DCBLD2: variants seen among roughly 807,000 people sequenced by gnomAD.
DCBLD2 encodes the protein discoidin, CUB and LCCL domain-containing protein 2.
In DCBLD2, 54 loss-of-function variants were observed where a neutral mutation model predicts 86.8. That is an observed-to-expected ratio of 0.62 (90% confidence interval 0.50 to 0.78). The LOEUF is 0.78. DCBLD2 is among the 30% of genes least tolerant of loss of function. DCBLD2 has a pLI of 0.00. For synonymous variants in DCBLD2, 354 were observed against 341.3 expected (o/e 1.04, Z -0.41); for missense variants, 908 against 954.2 (o/e 0.95, Z 0.64).
intron 2 of DCBLD2, among the ~76,000 whole-genome samples, chr3:98,863,725 A>C (rs948699244): frequency 2.6e-5 from 4 of 152,238 alleles, no homozygotes; most frequent in African/African-American, 9.7e-5. Flanking sequence ...AGATGGATTA[A>C]AGACTTAAAT....
At chr3:98,810,424 ATGAC>A (rs1212139640) in intron 12 of DCBLD2, among the ~76,000 whole-genome samples, 14 of 152,334 alleles carry the variant, frequency 9.2e-5, no homozygotes, top group African/African-American at 3.4e-4. Context: ...AAAAATGAGA[ATGAC>A]TGAAGTTCTA....
chr3:98,836,035 GTAA>G (rs1559779267), intron 3 of DCBLD2, among the ~76,000 whole-genome samples: 1 of 126,150 alleles, frequency 7.9e-6, no homozygotes, highest in African/African-American at 3.1e-5. Flanking sequence ...CCATTTTATA[GTAA>G]TAAATCAGTC....
intron 3 of DCBLD2, among the ~76,000 whole-genome samples, chr3:98,846,391 A>C (rs933009652): frequency 3.3e-5 from 5 of 152,212 alleles, no homozygotes; most frequent in African/African-American, 1.2e-4. Context: ...CCTGGATAAA[A>C]ATATACTGAG....
chr3:98,806,083 T>C lies in DCBLD2; in HGVS notation c.1670+1998A>G, dbSNP rs1413493225. ...GTAAAACGGGGCTTATTATAGTGCC[T>C]GCTTCGTAGATTGTTTTGAGGATTA... On this transcript the variant is annotated intron_variant, in intron 13 of 15. Coordinates refer to ENST00000326840, the MANE Select transcript of DCBLD2 (RefSeq NM_080927.4). 2.0e-5 allele frequency among the ~76,000 whole-genome samples: 3 copies of C among 152,308 alleles called. No homozygotes were observed. In the East Asian group the frequency reaches 5.8e-4, roughly 29 times the overall value.
intron 2 of DCBLD2, among the ~76,000 whole-genome samples, chr3:98,863,715 A>C (rs1943088536): frequency 6.6e-6 from 1 of 152,214 alleles, no homozygotes; most frequent in South Asian, 2.1e-4. Context: ...AATTAACTCA[A>C]GATGGATTAA....
chr3:98,796,950 A>G lies in DCBLD2; in HGVS notation c.*2422T>C, dbSNP rs1344990942. ...AAGCAAAGGATAAAAATTCAAGGGAATTTTGTCAGATATGGTTACTTTCAC... is the reference window on the plus strand; with the variant it reads ...AAGCAAAGGATAAAAATTCAAGGGAGTTTTGTCAGATATGGTTACTTTCAC... On this transcript the variant is annotated 3_prime_UTR_variant, in exon 16 of 16. Transcript: ENST00000326840. The G allele has an allele frequency of 6.6e-6, 1 of 152,116 alleles. No homozygotes were observed. Among genetic ancestry groups the G allele is most frequent in the Non-Finnish European group, 1.5e-5 (1 of 67,952 alleles). The allele number at this position is 152,116 out of a possible 1,614,324, so 9.4% of individuals were successfully genotyped here. A position where few individuals can be genotyped will look rare whatever the true frequency, so the allele number is the denominator to read the frequency against.
At chr3:98,879,352 T>G (rs997106689) in intron 2 of DCBLD2, among the ~76,000 whole-genome samples, 1 of 152,168 alleles carries the variant, frequency 6.6e-6, no homozygotes, top group Non-Finnish European at 1.5e-5. Flanking sequence ...TTCTTTACCA[T>G]CACTGAATGC....
At chr3:98,841,300 C>T (rs564544407) in intron 3 of DCBLD2, among the ~76,000 whole-genome samples, 1 of 152,210 alleles carries the variant, frequency 6.6e-6, no homozygotes, top group South Asian at 2.1e-4. Context: ...CATCAGATTT[C>T]CTAAGACAGT....
intron 1 of DCBLD2, among the ~76,000 whole-genome samples, chr3:98,886,039 G>T (rs1315150893): frequency 6.6e-6 from 1 of 151,812 alleles, no homozygotes; most frequent in Non-Finnish European, 1.5e-5. Flanking sequence ...GAAAATCTCA[G>T]AAAAAAGATC....
intron 2 of DCBLD2, among the ~76,000 whole-genome samples, chr3:98,870,478 G>A (rs1943239180): frequency 6.6e-6 from 1 of 151,788 alleles, no homozygotes; most frequent in South Asian, 2.1e-4. Context: ...GAGAAAAATG[G>A]TGTTTTTGGC....
At position 98,796,994 on chromosome 3, in the gene DCBLD2, AT is replaced by A. The variant is rs1449051179; in HGVS notation, c.*2377del. 3 of 150,186 alleles carry A rather than the reference AT, an allele frequency of 2.0e-5. No homozygotes were observed. The highest frequency in any genetic ancestry group is 3.0e-5 in the Non-Finnish European group (2 of 67,526). The allele number at this position is 150,186 out of a possible 1,614,324, so 9.3% of individuals were successfully genotyped here. A position where few individuals can be genotyped will look rare whatever the true frequency, so the allele number is the denominator to read the frequency against. Reference sequence around the variant, plus strand: ...CTTTCACATTTTCAGTTGTTACTTGATTGTCTCCAAAGCCGTATATGTATCA... The same window carrying A: ...CTTTCACATTTTCAGTTGTTACTTGATGTCTCCAAAGCCGTATATGTATCA... On this transcript the variant is annotated 3_prime_UTR_variant, in exon 16 of 16. Transcript: ENST00000326840.
intron 14 of DCBLD2, among the ~76,000 whole-genome samples, chr3:98,801,112 G>A (rs1941710211): frequency 6.6e-6 from 1 of 152,196 alleles, no homozygotes; most frequent in Admixed American, 6.5e-5. Context: ...GTGAGACTGG[G>A]AAGTGAGAAA....
At chr3:98,878,229 G>A (rs1022274723) in intron 2 of DCBLD2, among the ~76,000 whole-genome samples, 1 of 152,084 alleles carries the variant, frequency 6.6e-6, no homozygotes, top group African/African-American at 2.4e-5. Context: ...CATCACCTTA[G>A]CCAAAATATC....
At chr3:98,833,256 TGTA>T (rs1267277288) in intron 3 of DCBLD2, among the ~76,000 whole-genome samples, 3 of 152,208 alleles carry the variant, frequency 2.0e-5, no homozygotes, top group Non-Finnish European at 2.9e-5. Flanking sequence ...GTGAAATTCT[TGTA>T]GTGTGTTTTT....
intron 14 of DCBLD2, among the ~76,000 whole-genome samples, chr3:98,801,047 T>C (rs1439974386): frequency 6.6e-6 from 1 of 152,210 alleles, no homozygotes; most frequent in African/African-American, 2.4e-5. Context: ...TAGCTGCCCT[T>C]TTCTATCCTA....
intron 3 of DCBLD2, among the ~76,000 whole-genome samples, chr3:98,847,675 G>A (rs1374502455): frequency 6.6e-6 from 1 of 152,096 alleles, no homozygotes. Flanking sequence ...CTCACAACTA[G>A]GAGGTTCTTG....
chr3:98,838,955 A>C (rs1274943216), intron 3 of DCBLD2, among the ~76,000 whole-genome samples: 10 of 150,868 alleles, frequency 6.6e-5, no homozygotes, highest in South Asian at 6.4e-4. Flanking sequence ...AGTATCAGGC[A>C]GGGAGGTTGC....
In DCBLD2 at chr3:98,796,613, C is replaced by T. The variant is rs140125344; in HGVS notation, c.*2759G>A. The T allele has an allele frequency of 5.2e-5, 8 of 152,712 alleles. No homozygotes were observed. The highest frequency in any genetic ancestry group is 1.9e-4 in the East Asian group (1 of 5,180). The allele number at this position is 152,712 out of a possible 1,614,324, so 9.5% of individuals were successfully genotyped here. On this transcript the variant is annotated 3_prime_UTR_variant, in exon 16 of 16. Transcript: ENST00000326840. ...TACTGCATTAATTCTTCACTCGAAC[C>T]GTTTACATCAGCGAATAAACCCATT...
chr3:98,846,958 A>G lies in DCBLD2; in HGVS notation c.571+2503T>C, dbSNP rs1942737550. 2.0e-5 allele frequency among the ~76,000 whole-genome samples: 3 copies of G among 152,332 alleles called. No individual in the cohort carries two copies. In the South Asian group the frequency reaches 6.2e-4, roughly 32 times the overall value. On this transcript the variant is annotated intron_variant, in intron 3 of 15. Transcript: ENST00000326840. ...GAGAAAAGCAAAAATATGAATCAAAATAAATAATTTAACCTGATATTAAGA... is the reference window on the plus strand; with the variant it reads ...GAGAAAAGCAAAAATATGAATCAAAGTAAATAATTTAACCTGATATTAAGA...
Sources: gnomAD v4.1 joint callset for allele counts (sites outside exome capture counted in the v4.1 genomes callset) on GRCh38, gnomAD v4.1.1 for gene constraint, MANE v1.5 for transcripts, NCBI Gene and HGNC (gene_info 2026-07-23, HGNC 2026-07-21) for gene names.